KCNMB2: variants seen among roughly 807,000 people sequenced by gnomAD.
KCNMB2 encodes calcium-activated potassium channel subunit beta-2.
KCNMB2 carries 9 observed loss-of-function variants against 24.5 expected under a neutral mutation model. The ratio of observed to expected loss-of-function variants is 0.37; its 90% CI spans 0.22 to 0.64. KCNMB2 has a LOEUF of 0.64. Among genes scored for constraint, KCNMB2 ranks in the 30% least tolerant of loss-of-function variants. KCNMB2 has a pLI of 0.63. For missense variants in KCNMB2, 226 were observed against 284.3 expected, an observed-to-expected ratio of 0.79 and a Z score of 1.47; for synonymous variants, 109 against 104.4, an observed-to-expected ratio of 1.04 and a Z score of -0.27.
At chr3:178,642,662 T>G (rs1719768361) in intron 1 of KCNMB2, among the ~76,000 whole-genome samples, 1 of 152,230 alleles carries the variant, frequency 6.6e-6, no homozygotes, top group Non-Finnish European at 1.5e-5. Context: ...GATTTCAAAT[T>G]TTTTGTTAAA....
At chr3:178,587,516 C>T (rs1439812124) in intron 1 of KCNMB2, among the ~76,000 whole-genome samples, 4 of 152,062 alleles carry the variant, frequency 2.6e-5, no homozygotes, top group Admixed American at 6.5e-5. Context: ...CTCCGCCTCC[C>T]GGGTTCAAGT....
chr3:178,809,639 A>C (rs1205878068), intron 2 of KCNMB2, among the ~76,000 whole-genome samples: 1 of 152,228 alleles, frequency 6.6e-6, no homozygotes, highest in East Asian at 1.9e-4. Context: ...CAAGCCCACA[A>C]GGGGAAAAGT....
chr3:178,832,154 C>T (rs929093217), intron 4 of KCNMB2, among the ~76,000 whole-genome samples: 1 of 151,856 alleles, frequency 6.6e-6, no homozygotes, highest in Admixed American at 6.6e-5. Context: ...GCAATGACAT[C>T]CCTAAAAAAT....
Position 178,815,878 on chromosome 3 carries a change from C to T in KCNMB2, c.56+8413C>T, listed in dbSNP as rs573820433. On this transcript the variant is annotated intron_variant, in intron 2 of 4. Transcript: ENST00000452583. ...ACATTATAAGTTCCTGGGATAACCA[C>T]AGCTTGATCATGATATATTTTCATT... Among the ~76,000 whole-genome samples the T allele has an allele frequency of 5.9e-5, 9 of 152,092 alleles. No homozygotes were observed. In the South Asian group the frequency reaches 1.9e-3, roughly 32 times the overall value.
At chr3:178,823,187 C>A (rs531766429) in intron 2 of KCNMB2, among the ~76,000 whole-genome samples, 1 of 152,084 alleles carries the variant, frequency 6.6e-6, no homozygotes, top group South Asian at 2.1e-4. Context: ...CCTAGAATTT[C>A]CAAACAAAAT....
intron 1 of KCNMB2, among the ~76,000 whole-genome samples, chr3:178,742,385 T>C (rs1287017955): frequency 2.6e-5 from 4 of 152,218 alleles, no homozygotes; most frequent in Admixed American, 2.0e-4. Flanking sequence ...GTAAGGATCA[T>C]GGCTGTGGCA....
At chr3:178,587,371 C>A (rs1208612510) in intron 1 of KCNMB2, among the ~76,000 whole-genome samples, 1 of 152,114 alleles carries the variant, frequency 6.6e-6, no homozygotes, top group Non-Finnish European at 1.5e-5. Context: ...CCCCTAGAGT[C>A]CAAGGACCTT....
chr3:178,711,826 G>A (rs1159659380), intron 1 of KCNMB2, among the ~76,000 whole-genome samples: 2 of 152,188 alleles, frequency 1.3e-5, no homozygotes, highest in East Asian at 1.9e-4. Flanking sequence ...AGATGACCTT[G>A]TTTCAAATTA....
intron 1 of KCNMB2, among the ~76,000 whole-genome samples, chr3:178,595,334 G>A (rs1577036036): frequency 6.6e-6 from 1 of 152,054 alleles, no homozygotes; most frequent in Non-Finnish European, 1.5e-5. Flanking sequence ...TGATGAATGG[G>A]TCATCATGGT....
chr3:178,631,140 G>A (rs184515599), intron 1 of KCNMB2, among the ~76,000 whole-genome samples: 2 of 152,308 alleles, frequency 1.3e-5, no homozygotes, highest in East Asian at 3.9e-4. Flanking sequence ...AAGAAAGGCA[G>A]AGACCCTTCC....
chr3:178,754,613 T>G (rs1048433911), intron 1 of KCNMB2, among the ~76,000 whole-genome samples: 1 of 152,178 alleles, frequency 6.6e-6, no homozygotes, highest in African/African-American at 2.4e-5. Flanking sequence ...TGCACTTGGA[T>G]GAATCATTGA....
chr3:178,803,929 T>C (rs115651895), intron 1 of KCNMB2, among the ~76,000 whole-genome samples: 2,337 of 152,300 alleles, frequency 0.015, 27 homozygotes, highest in Middle Eastern at 0.068. Context: ...CTCCCTCCTT[T>C]TACTCAGGGC....
chr3:178,559,150 C>T (rs570329957), intron 1 of KCNMB2, among the ~76,000 whole-genome samples: 1 of 152,170 alleles, frequency 6.6e-6, no homozygotes, highest in South Asian at 2.1e-4. Flanking sequence ...GTAGAAAATG[C>T]AATATTTGCT....
intron 2 of KCNMB2, among the ~76,000 whole-genome samples, chr3:178,820,185 T>G (rs1398585191): frequency 6.6e-6 from 1 of 152,348 alleles, no homozygotes; most frequent in Admixed American, 6.5e-5. Flanking sequence ...AAAATATTTA[T>G]GTAGTGAGCT....
intron 1 of KCNMB2, among the ~76,000 whole-genome samples, chr3:178,641,418 G>A (rs1719722254): frequency 6.6e-6 from 1 of 151,970 alleles, no homozygotes; most frequent in Non-Finnish European, 1.5e-5. Context: ...TTATACTTAA[G>A]TTTCACTGGT....
intron 2 of KCNMB2, among the ~76,000 whole-genome samples, chr3:178,815,901 A>G (rs969118058): frequency 4.6e-5 from 7 of 151,860 alleles, no homozygotes; most frequent in Non-Finnish European, 1.0e-4. Flanking sequence ...ATATATTTTC[A>G]TTTTTATATA....
rs1255174214 is a variant in KCNMB2 at position 178,759,638 on chromosome 3, TATATATATATATATCTCCAAGAGGG to T, written c.-67-47690_-67-47666del. ...ATACATATATCTCTCTCCAAGAGGA[TATATATATATATATCTCCAAGAGGG>T]ATATATATATATATATCCAAGAGGA... On this transcript the variant is annotated intron_variant, in intron 1 of 4. Coordinates refer to ENST00000452583, the MANE Select transcript of KCNMB2 (RefSeq NM_181361.3). 1.4e-4 allele frequency among the ~76,000 whole-genome samples: 12 copies of T among 88,844 alleles called. 2 individuals are homozygous for T. Among genetic ancestry groups the T allele is most frequent in the African/African-American group, 4.1e-4 (11 of 26,672 alleles). 58.3% of individuals were successfully genotyped at this position (88,844 alleles called of 152,430 possible).
At chr3:178,670,468 G>A (rs569665785) in intron 1 of KCNMB2, among the ~76,000 whole-genome samples, 23 of 152,274 alleles carry the variant, frequency 1.5e-4, no homozygotes, top group Non-Finnish European at 3.1e-4. Flanking sequence ...CACTTCTAGT[G>A]TTACGTGCCA....
At chr3:178,834,838 A>C (rs1327870661) in intron 4 of KCNMB2, among the ~76,000 whole-genome samples, 1 of 152,076 alleles carries the variant, frequency 6.6e-6, no homozygotes, top group Non-Finnish European at 1.5e-5. Context: ...GGACAGCTGA[A>C]GAGGGCACCT....
Sources: allele counts gnomAD v4.1 joint callset (sites outside exome capture counted in the v4.1 genomes callset), GRCh38; gene constraint gnomAD v4.1.1; transcripts MANE v1.5; gene names NCBI Gene and HGNC (gene_info 2026-07-23, HGNC 2026-07-21).